The following TBC1D12 variants were observed in gnomAD, a reference collection of about 807,000 sequenced individuals.
TBC1D12 encodes TBC1 domain family, member 12.
In TBC1D12, 56 loss-of-function variants were observed where a neutral mutation model predicts 86.7. The ratio of observed to expected loss-of-function variants is 0.65; its 90% CI spans 0.52 to 0.81. TBC1D12 has a LOEUF of 0.81. TBC1D12 is among the 30% of genes least tolerant of loss of function. The pLI is 0.00. For synonymous variants in TBC1D12, 421 were observed against 411.7 expected (o/e 1.02, Z -0.27); for missense variants, 1,023 against 1,038.8 (o/e 0.98, Z 0.21).
chr10:94,426,401 T>C (rs558423909), intron 1 of TBC1D12, among the ~76,000 whole-genome samples: 3 of 152,282 alleles, frequency 2.0e-5, no homozygotes, highest in South Asian at 4.1e-4. Flanking sequence ...TTATTAGTAT[T>C]GCCAAATGAC....
At position 94,533,102 on chromosome 10, in the gene TBC1D12, A is replaced by C. The variant is rs1339703990; in HGVS notation, c.*6A>C. 6.4e-7 allele frequency: 1 copy of C among 1,572,308 alleles called. No homozygotes were observed. The highest frequency in any genetic ancestry group is 8.7e-7 in the Non-Finnish European group (1 of 1,155,712). On this transcript the variant is annotated 3_prime_UTR_variant, in exon 13 of 13. Coordinates refer to ENST00000225235, the MANE Select transcript of TBC1D12 (RefSeq NM_015188.2). ...GTCCTGCTTTGAAAAGCTAGTCTTC[A>C]AAATTGACAGACTAACTGACATAGA...
chr10:94,412,636 G>A (rs571430601), intron 1 of TBC1D12, among the ~76,000 whole-genome samples: 2 of 152,312 alleles, frequency 1.3e-5, no homozygotes, highest in African/African-American at 2.4e-5. Context: ...GTTTAACTTG[G>A]CTTACTCATG....
At chr10:94,524,032 T>C (rs772070531) in intron 11 of TBC1D12, among the ~76,000 whole-genome samples, 1 of 152,194 alleles carries the variant, frequency 6.6e-6, no homozygotes, top group Non-Finnish European at 1.5e-5. Flanking sequence ...TTATTACTTG[T>C]GTTTAAAGTT....
At chr10:94,494,691 G>C (rs1326022829) in intron 4 of TBC1D12, among the ~76,000 whole-genome samples, 4 of 151,660 alleles carry the variant, frequency 2.6e-5, no homozygotes. Flanking sequence ...CCATAGGCGT[G>C]CACCACCACG....
intron 11 of TBC1D12, among the ~76,000 whole-genome samples, chr10:94,526,494 T>G (rs1222208924): frequency 6.6e-6 from 1 of 152,080 alleles, no homozygotes; most frequent in African/African-American, 2.4e-5. Context: ...TGCATATGAA[T>G]GAGAACATGC....
At chr10:94,517,636 A>G (rs1054987740) in intron 9 of TBC1D12, among the ~76,000 whole-genome samples, 2 of 152,236 alleles carry the variant, frequency 1.3e-5, no homozygotes, top group Non-Finnish European at 2.9e-5. Flanking sequence ...ATCAAGGCTC[A>G]CTGACAAACC....
chr10:94,474,566 A>G (rs562514328), intron 2 of TBC1D12, 102 bp from the exon 3 acceptor site: 35 of 820,232 alleles, frequency 4.3e-5, no homozygotes, highest in Non-Finnish European at 6.1e-5. Flanking sequence ...TTTGAATTGT[A>G]TGTATCCCTC....
Position 94,531,216 on chromosome 10 carries a change from A to G in TBC1D12, c.2015A>G (p.Tyr672Cys). The G allele has an allele frequency of 1.2e-6, 2 of 1,613,802 alleles. No individual in the cohort carries two copies. The highest frequency in any genetic ancestry group is 1.7e-6 in the Non-Finnish European group (2 of 1,179,848). The change falls in exon 12 of 13, where the codon TAT (tyrosine) becomes TGT (cysteine). Residue 672 changes from tyrosine (Y) to cysteine (C), a missense_variant. Coordinates refer to ENST00000225235, the MANE Select transcript of TBC1D12 (RefSeq NM_015188.2). ...TCTAATTTTAGGATCTTCACACTAT[A>G]TAGCAAATCACTACCACTTGATCTG... ...IYLIDWIFTL[Y>C]SKSLPLDLAC...
At chr10:94,446,012 A>C (rs1238319450) in intron 2 of TBC1D12, among the ~76,000 whole-genome samples, 1 of 151,084 alleles carries the variant, frequency 6.6e-6, no homozygotes, top group African/African-American at 2.4e-5. Context: ...GCTTTCTACT[A>C]TCTCTGCTTC....
intron 2 of TBC1D12, among the ~76,000 whole-genome samples, chr10:94,470,740 A>G (rs1203170793): frequency 8.4e-6 from 1 of 119,006 alleles, no homozygotes; most frequent in Non-Finnish European, 1.7e-5. Context: ...GAGTGCTGCT[A>G]TATAATTTGT....
At chr10:94,493,911 A>G (rs147899139) in intron 4 of TBC1D12, among the ~76,000 whole-genome samples, 1 of 152,190 alleles carries the variant, frequency 6.6e-6, no homozygotes, top group Non-Finnish European at 1.5e-5. Flanking sequence ...GACTTCTACT[A>G]TCTTAGTTTA....
intron 1 of TBC1D12, among the ~76,000 whole-genome samples, chr10:94,414,062 CT>C (rs545146921): frequency 5.6e-4 from 84 of 150,812 alleles, no homozygotes; most frequent in South Asian, 1.3e-3. Flanking sequence ...TAATAGTTTA[CT>C]TTTTTTTTAG....
At chr10:94,409,364 A>C (rs2134047623) in intron 1 of TBC1D12, among the ~76,000 whole-genome samples, 1 of 149,306 alleles carries the variant, frequency 6.7e-6, no homozygotes, top group South Asian at 2.1e-4. Flanking sequence ...GAAGTGCTAA[A>C]TTAAATTAAC....
At chr10:94,495,271 G>C (rs916650631) in intron 4 of TBC1D12, among the ~76,000 whole-genome samples, 1 of 151,908 alleles carries the variant, frequency 6.6e-6, no homozygotes, top group Non-Finnish European at 1.5e-5. Flanking sequence ...TGATCCACCT[G>C]CCTTGGCCAC....
At chr10:94,465,655 A>AAAT (rs1554941178) in intron 2 of TBC1D12, among the ~76,000 whole-genome samples, 21 of 106,724 alleles carry the variant, frequency 2.0e-4, no homozygotes, top group African/African-American at 5.7e-4. Flanking sequence ...TAAAAAAAAA[A>AAAT]ATATATATAT....
At chr10:94,425,144 G>A (rs1262675782) in intron 1 of TBC1D12, among the ~76,000 whole-genome samples, 1 of 152,196 alleles carries the variant, frequency 6.6e-6, no homozygotes, top group Non-Finnish European at 1.5e-5. Context: ...ACTACCTCTG[G>A]TTTGCAAGTC....
intron 2 of TBC1D12, among the ~76,000 whole-genome samples, chr10:94,469,020 T>C (rs561159977): frequency 9.1e-4 from 139 of 152,270 alleles, no homozygotes; most frequent in African/African-American, 3.1e-3. Context: ...TTCTTAGTTA[T>C]GGGATAAATT....
At chr10:94,440,905 A>G (rs1248108298) in intron 1 of TBC1D12, among the ~76,000 whole-genome samples, 1 of 152,170 alleles carries the variant, frequency 6.6e-6, no homozygotes, top group African/African-American at 2.4e-5. Flanking sequence ...CGCGGAGTGC[A>G]ATGAGGCGGT....
Position 94,441,745 on chromosome 10 carries a change from T to C in TBC1D12, c.972-151T>C. On this transcript the variant is annotated intron_variant, in intron 1 of 12. Transcript: ENST00000225235. ...GCTACATATTCTTAATTGAGCCTTA[T>C]TATTCTAAGTAATAGTGGTATAAGT... 3 of 698,666 alleles carry C rather than the reference T, an allele frequency of 4.3e-6. No individual in the cohort carries two copies. In the South Asian group the frequency reaches 6.2e-5, roughly 14 times the overall value. The allele number at this position is 698,666 out of a possible 1,614,324, so 43.3% of individuals were successfully genotyped here. A position where few individuals can be genotyped will look rare whatever the true frequency, so the allele number is the denominator to read the frequency against.
Sources: allele counts gnomAD v4.1 joint callset (sites outside exome capture counted in the v4.1 genomes callset), GRCh38; gene constraint gnomAD v4.1.1; transcripts MANE v1.5; gene names NCBI Gene and HGNC (gene_info 2026-07-23, HGNC 2026-07-21).